Variants in RUNX2 observed in about 807,000 individuals in gnomAD.
RUNX2 encodes the protein RUNX family transcription factor 2.
RUNX2 carries 10 observed loss-of-function variants against 51.7 expected under a neutral mutation model. That is an observed-to-expected ratio of 0.19 (90% confidence interval 0.12 to 0.33). The LOEUF is 0.33. Among genes scored for constraint, RUNX2 ranks in the 10% least tolerant of loss-of-function variants. The pLI, the probability that RUNX2 is intolerant of heterozygous loss-of-function variation, is 1.00. For missense variants in RUNX2, 562 were observed against 691.3 expected, an observed-to-expected ratio of 0.81 and a Z score of 2.10; for synonymous variants, 276 against 273.6, an observed-to-expected ratio of 1.01 and a Z score of -0.09.
chr6:45,485,697 G>GTGTGTATATATATATATATATA (rs1219072282), intron 5 of RUNX2, among the ~76,000 whole-genome samples: 18 of 104,062 alleles, frequency 1.7e-4, no homozygotes, highest in African/African-American at 5.7e-4. Context: ...GTGTGTGTGT[G>GTGTGTATATATATATATATATA]TATATATATA....
At chr6:45,529,070 G>C (rs185080875) in intron 7 of RUNX2, among the ~76,000 whole-genome samples, 5 of 152,278 alleles carry the variant, frequency 3.3e-5, no homozygotes, top group Admixed American at 1.3e-4. Context: ...GCCCTAAAAG[G>C]AGATTCCTCC....
At chr6:45,512,031 A>G (rs1463350086) in intron 6 of RUNX2, among the ~76,000 whole-genome samples, 2 of 152,078 alleles carry the variant, frequency 1.3e-5, no homozygotes, top group South Asian at 2.1e-4. Context: ...TGTTGCTTTC[A>G]TTGAGACTCA....
chr6:45,512,452 C>T (rs993904772), intron 7 of RUNX2, 45 bp downstream of exon 7: 19 of 1,603,732 alleles, frequency 1.2e-5, no homozygotes, highest in Middle Eastern at 1.6e-4. Flanking sequence ...GCACAGGGGT[C>T]GGGGGGAGTG....
intron 6 of RUNX2, among the ~76,000 whole-genome samples, chr6:45,506,087 G>A (rs1800958819): frequency 1.3e-5 from 2 of 152,142 alleles, no homozygotes; most frequent in African/African-American, 4.8e-5. Flanking sequence ...AAAATGTGTT[G>A]TTGCAGATCT....
At chr6:45,394,177 G>T (rs1242659433) in intron 2 of RUNX2, among the ~76,000 whole-genome samples, 1 of 152,074 alleles carries the variant, frequency 6.6e-6, no homozygotes, top group Non-Finnish European at 1.5e-5. Flanking sequence ...CAAAGTGCTA[G>T]GATTACAGGC....
rs1325111477 is a variant in RUNX2, at chr6:45,422,759, GGCGGCT to G, written c.231_236del (p.Ala88_Ala89del). 3.0e-6 allele frequency: 4 copies of G among 1,325,820 alleles called. No individual in the cohort carries two copies. In the Admixed American group the frequency reaches 8.6e-5, roughly 29 times the overall value. The allele number at this position is 1,325,820 out of a possible 1,614,324, so 82.1% of individuals were successfully genotyped here. A position where few individuals can be genotyped will look rare whatever the true frequency, so the allele number is the denominator to read the frequency against. ...AGCAGCAGCAGCAGGAGGCGGCGGCGGCGGCTGCGGCGGCGGCGGCGGCTGCGGCGG... is the reference window on the plus strand; with the variant it reads ...AGCAGCAGCAGCAGGAGGCGGCGGCGGCGGCGGCGGCGGCGGCTGCGGCGG... On this transcript the variant is annotated inframe_deletion, in exon 3 of 9. Coordinates refer to ENST00000647337, the MANE Select transcript of RUNX2 (RefSeq NM_001024630.4).
intron 2 of RUNX2, among the ~76,000 whole-genome samples, chr6:45,358,234 A>G (rs1489052434): frequency 1.3e-5 from 2 of 152,212 alleles, no homozygotes; most frequent in African/African-American, 2.4e-5. Flanking sequence ...ATTTGTATTT[A>G]CTATATTTCT....
intron 2 of RUNX2, among the ~76,000 whole-genome samples, chr6:45,419,888 G>A (rs1563077187): frequency 1.3e-5 from 2 of 152,008 alleles, no homozygotes; most frequent in Non-Finnish European, 1.5e-5. Flanking sequence ...CGGAGTCACC[G>A]AGGGTGGCAG....
At chr6:45,368,984 T>C (rs1368842458) in intron 2 of RUNX2, among the ~76,000 whole-genome samples, 3 of 146,856 alleles carry the variant, frequency 2.0e-5, no homozygotes, top group Non-Finnish European at 4.5e-5. Flanking sequence ...TAATACCAAA[T>C]GGTCAATCAC....
intron 4 of RUNX2, among the ~76,000 whole-genome samples, chr6:45,437,525 A>G (rs900443515): frequency 2.0e-5 from 3 of 152,204 alleles, no homozygotes; most frequent in Non-Finnish European, 4.4e-5. Context: ...AACATAATCA[A>G]CAATGATTTA....
In RUNX2 at chr6:45,422,749, AGGCGGCGGCGGCGGCTGCGGCGGCGGC is replaced by A. The variant is rs770723869; in HGVS notation, c.222_248del (p.Ala81_Ala89del). The A allele has an allele frequency of 2.0e-6, 3 of 1,531,158 alleles. 1 individual carries two copies. The highest frequency in any genetic ancestry group is 2.6e-6 in the Non-Finnish European group (3 of 1,143,282). 94.8% of individuals were successfully genotyped at this position (1,531,158 alleles called of 1,614,324 possible). On this transcript the variant is annotated inframe_deletion, in exon 3 of 9. Transcript: ENST00000647337. ...CAGCAACAGCAGCAGCAGCAGCAGG[AGGCGGCGGCGGCGGCTGCGGCGGCGGC>A]GGCGGCTGCGGCGGCGGCAGCTGCA...
chr6:45,490,933 C>G (rs1028053740), intron 5 of RUNX2, among the ~76,000 whole-genome samples: 2 of 152,122 alleles, frequency 1.3e-5, no homozygotes, highest in Non-Finnish European at 2.9e-5. Flanking sequence ...GCATTTGTCC[C>G]CAATAGCACC....
intron 2 of RUNX2, among the ~76,000 whole-genome samples, chr6:45,405,952 A>G (rs1170151955): frequency 6.6e-6 from 1 of 152,178 alleles, no homozygotes; most frequent in Non-Finnish European, 1.5e-5. Flanking sequence ...AAATAGGGAT[A>G]TTATATTACC....
At chr6:45,358,904 C>T (rs1793738778) in intron 2 of RUNX2, among the ~76,000 whole-genome samples, 1 of 152,106 alleles carries the variant, frequency 6.6e-6, no homozygotes. Context: ...ACAGAGACTG[C>T]CACTCTCCAG....
At chr6:45,479,426 G>A (rs1582155148) in intron 5 of RUNX2, among the ~76,000 whole-genome samples, 1 of 152,164 alleles carries the variant, frequency 6.6e-6, no homozygotes, top group African/African-American at 2.4e-5. Context: ...ATGTCATGGG[G>A]CAGAGTATAA....
intron 5 of RUNX2, among the ~76,000 whole-genome samples, chr6:45,467,366 C>T (rs1184275203): frequency 3.9e-5 from 6 of 152,190 alleles, no homozygotes; most frequent in Non-Finnish European, 8.8e-5. Context: ...ACTGCAACCT[C>T]TGCCTCCCGG....
chr6:45,346,582 T>TC (rs1370369731), intron 2 of RUNX2, among the ~76,000 whole-genome samples: 3 of 151,498 alleles, frequency 2.0e-5, no homozygotes, highest in African/African-American at 4.9e-5. Flanking sequence ...TTTTTTTTTT[T>TC]CTTGAGATAG....
Position 45,433,974 on chromosome 6 carries a change from T to C in RUNX2, c.580+1955T>C, listed in dbSNP as rs1376200377. Among the ~76,000 whole-genome samples, 3 of 152,326 alleles carry C rather than the reference T, an allele frequency of 2.0e-5. No individual in the cohort carries two copies. The East Asian group carries it at 5.8e-4, about 29-fold the overall frequency. On this transcript the variant is annotated intron_variant, in intron 4 of 8. Coordinates refer to ENST00000647337, the MANE Select transcript of RUNX2 (RefSeq NM_001024630.4). ...CCGGGACTTGGTGGAGGATCTGAAA[T>C]GCTACAGTCTGCTGCCAGAGGCAGG...
chr6:45,423,073 G>A (rs935653777), intron 3 of RUNX2, 116 bp downstream of exon 3: 28 of 1,400,920 alleles, frequency 2.0e-5, no homozygotes, highest in Non-Finnish European at 2.5e-5. Context: ...TGCCTTGGCG[G>A]CTCTAACCCC....
Sources: gnomAD v4.1 joint callset for allele counts (sites outside exome capture counted in the v4.1 genomes callset) on GRCh38, gnomAD v4.1.1 for gene constraint, MANE v1.5 for transcripts, NCBI Gene and HGNC (gene_info 2026-07-23, HGNC 2026-07-21) for gene names.